The following HS3ST4 variants were observed in gnomAD, a reference collection of about 807,000 sequenced individuals.
The protein encoded by HS3ST4 is heparan sulfate-glucosamine 3-sulfotransferase 4.
Under a neutral mutation model 29.2 loss-of-function variants are expected in HS3ST4, and 17 were observed. That is an observed-to-expected ratio of 0.58 (90% CI 0.40 to 0.87). HS3ST4 has a LOEUF of 0.87. Ranked by LOEUF, HS3ST4 falls within the 40% of genes least tolerant of loss-of-function variation. HS3ST4 has a pLI of 0.00. For missense variants in HS3ST4, 627 were observed against 634.5 expected, an observed-to-expected ratio of 0.99 and a Z score of 0.13; for synonymous variants, 314 against 285.7, an observed-to-expected ratio of 1.10 and a Z score of -1.00.
At position 26,119,460 on chromosome 16, in the gene HS3ST4, G is replaced by A. The variant is rs143022834; in HGVS notation, c.735-16152G>A. ...TTGGATGTGCTGCAGGGTGCGTAAG[G>A]AAACAAGGAATCCGTGCTGATTCCC... On this transcript the variant is annotated intron_variant, in intron 1 of 1. Transcript: ENST00000331351. Among the ~76,000 whole-genome samples, 12 of 152,306 alleles carry A rather than the reference G, an allele frequency of 7.9e-5. No homozygotes were observed. In the East Asian group the frequency reaches 1.9e-3, roughly 24 times the overall value.
At chr16:25,864,146 A>G (rs6650565) in intron 1 of HS3ST4, among the ~76,000 whole-genome samples, 1 of 152,038 alleles carries the variant, frequency 6.6e-6, no homozygotes, top group African/African-American at 2.4e-5. Flanking sequence ...GCTCATATCA[A>G]CCTCTTCTCT....
chr16:26,058,531 C>T (rs765285498), intron 1 of HS3ST4, among the ~76,000 whole-genome samples: 34 of 152,100 alleles, frequency 2.2e-4, no homozygotes, highest in Non-Finnish European at 4.1e-4. Context: ...GAGCCTGTGG[C>T]TAAAAGGTCT....
At chr16:25,729,387 C>T (rs143888117) in intron 1 of HS3ST4, among the ~76,000 whole-genome samples, 64 of 152,296 alleles carry the variant, frequency 4.2e-4, no homozygotes, top group African/African-American at 1.5e-3. Flanking sequence ...CGCCACAGCA[C>T]GCCCACATCC....
At chr16:25,875,714 C>T (rs981161577) in intron 1 of HS3ST4, among the ~76,000 whole-genome samples, 4 of 152,060 alleles carry the variant, frequency 2.6e-5, no homozygotes, top group African/African-American at 9.7e-5. Context: ...TGGGAATTTC[C>T]AGTAGCCCTA....
At chr16:25,778,067 T>A (rs1966849260) in intron 1 of HS3ST4, among the ~76,000 whole-genome samples, 1 of 152,130 alleles carries the variant, frequency 6.6e-6, no homozygotes, top group African/African-American at 2.4e-5. Context: ...TGACTTATTT[T>A]TCAGTATTTC....
At chr16:25,971,658 G>A (rs370027157) in intron 1 of HS3ST4, among the ~76,000 whole-genome samples, 3 of 152,340 alleles carry the variant, frequency 2.0e-5, no homozygotes, top group East Asian at 3.9e-4. Flanking sequence ...GGGCGTGGTG[G>A]CTCATGCCTG....
At chr16:25,903,388 C>A (rs1968141953) in intron 1 of HS3ST4, among the ~76,000 whole-genome samples, 1 of 64,200 alleles carries the variant, frequency 1.6e-5, no homozygotes, top group African/African-American at 5.7e-5. Flanking sequence ...TATATAAAAT[C>A]ACATATCACA....
chr16:26,102,641 G>A (rs1899003274), intron 1 of HS3ST4, among the ~76,000 whole-genome samples: 1 of 152,116 alleles, frequency 6.6e-6, no homozygotes, highest in Non-Finnish European at 1.5e-5. Context: ...CATGCATTAT[G>A]TCTGCCTGCC....
intron 1 of HS3ST4, among the ~76,000 whole-genome samples, chr16:25,907,102 C>T (rs944759358): frequency 3.9e-5 from 6 of 152,078 alleles, no homozygotes; most frequent in Admixed American, 1.3e-4. Context: ...GAGGTAGAGG[C>T]ACAAACTCAC....
intron 1 of HS3ST4, among the ~76,000 whole-genome samples, chr16:26,099,336 T>C (rs559623200): frequency 4.6e-5 from 7 of 152,296 alleles, no homozygotes; most frequent in African/African-American, 1.7e-4. Context: ...CAAAAATTTT[T>C]GTGGAGTTGG....
At chr16:26,077,435 A>T (rs113174571) in intron 1 of HS3ST4, among the ~76,000 whole-genome samples, 2,054 of 152,304 alleles carry the variant, frequency 0.013, 37 homozygotes, top group African/African-American at 0.044. Context: ...CCTGTCTTTC[A>T]GCTCCTGATC....
chr16:26,004,867 G>T (rs1241557275), intron 1 of HS3ST4, among the ~76,000 whole-genome samples: 2 of 152,092 alleles, frequency 1.3e-5, no homozygotes, highest in African/African-American at 2.4e-5. Flanking sequence ...ACTTGTTTAT[G>T]CCTGAACTGG....
chr16:26,095,278 T>C (rs942131549), intron 1 of HS3ST4, among the ~76,000 whole-genome samples: 3 of 152,178 alleles, frequency 2.0e-5, no homozygotes, highest in African/African-American at 4.8e-5. Context: ...AATAGACATC[T>C]ACAGAACTCT....
intron 1 of HS3ST4, among the ~76,000 whole-genome samples, chr16:25,962,581 C>T (rs1370340726): frequency 2.0e-5 from 3 of 152,200 alleles, no homozygotes; most frequent in Non-Finnish European, 4.4e-5. Flanking sequence ...GAGTGTCTCA[C>T]ATTTTTCCGG....
At chr16:26,029,982 C>G (rs1198201602) in intron 1 of HS3ST4, among the ~76,000 whole-genome samples, 1 of 152,230 alleles carries the variant, frequency 6.6e-6, no homozygotes, top group African/African-American at 2.4e-5. Context: ...ATACCAAATT[C>G]TTAGTCCCCC....
intron 1 of HS3ST4, among the ~76,000 whole-genome samples, chr16:25,891,837 G>A (rs1968011492): frequency 6.6e-6 from 1 of 152,210 alleles, no homozygotes; most frequent in Non-Finnish European, 1.5e-5. Flanking sequence ...AGACTGCCTG[G>A]CTTCACATTG....
At chr16:26,004,272 T>C (rs533826058) in intron 1 of HS3ST4, among the ~76,000 whole-genome samples, 2 of 152,294 alleles carry the variant, frequency 1.3e-5, no homozygotes, top group Admixed American at 6.5e-5. Flanking sequence ...TGTATGCACT[T>C]CTCTCTCTGA....
At chr16:25,897,303 G>T (rs1167185055) in intron 1 of HS3ST4, among the ~76,000 whole-genome samples, 1 of 151,966 alleles carries the variant, frequency 6.6e-6, no homozygotes, top group African/African-American at 2.4e-5. Context: ...AAAATACACA[G>T]ATTAGCCAGG....
chr16:26,096,445 C>T (rs571623896), intron 1 of HS3ST4, among the ~76,000 whole-genome samples: 29 of 152,212 alleles, frequency 1.9e-4, no homozygotes, highest in African/African-American at 4.6e-4. Flanking sequence ...TCAACATATG[C>T]GAATCAATAA....
Sources: gnomAD v4.1 joint callset for allele counts (sites outside exome capture counted in the v4.1 genomes callset) on GRCh38, gnomAD v4.1.1 for gene constraint, MANE v1.5 for transcripts, NCBI Gene and HGNC (gene_info 2026-07-23, HGNC 2026-07-21) for gene names.